Variants in FIP1L1 observed in about 807,000 individuals in gnomAD.
FIP1L1 encodes the protein factor interacting with PAPOLA and CPSF1.
FIP1L1 carries 21 observed loss-of-function variants against 84.6 expected under a neutral mutation model. That is an observed-to-expected ratio of 0.25 (90% CI 0.18 to 0.36). The LOEUF is 0.36. Ranked by LOEUF, FIP1L1 falls within the 10% of genes least tolerant of loss-of-function variation. The pLI is 1.00. For synonymous variants in FIP1L1, 263 were observed against 242.3 expected, an observed-to-expected ratio of 1.09 and a Z score of -0.80; for missense variants, 526 against 751.1, an observed-to-expected ratio of 0.70 and a Z score of 3.50.
intron 10 of FIP1L1, among the ~76,000 whole-genome samples, chr4:53,402,920 T>G (rs1324208961): frequency 2.0e-5 from 3 of 152,120 alleles, no homozygotes; most frequent in Non-Finnish European, 2.9e-5. Flanking sequence ...CCAGTGCAGA[T>G]GGGTAGGTGG....
intron 15 of FIP1L1, among the ~76,000 whole-genome samples, chr4:53,445,007 G>C (rs1477224199): frequency 6.6e-6 from 1 of 152,154 alleles, no homozygotes; most frequent in Non-Finnish European, 1.5e-5. Context: ...TCCTACTCCA[G>C]AGAAGTGGAA....
At chr4:53,440,132 T>C (rs867936183) in intron 13 of FIP1L1, among the ~76,000 whole-genome samples, 6 of 152,052 alleles carry the variant, frequency 3.9e-5, no homozygotes, top group Non-Finnish European at 8.8e-5. Flanking sequence ...CCACAACATA[T>C]TGAGCTTTAC....
intron 15 of FIP1L1, among the ~76,000 whole-genome samples, chr4:53,447,431 T>C (rs1341751746): frequency 3.9e-5 from 6 of 152,166 alleles, no homozygotes; most frequent in African/African-American, 1.4e-4. Context: ...CACTGAACTT[T>C]TCTTTCTCCA....
intron 9 of FIP1L1, among the ~76,000 whole-genome samples, chr4:53,395,526 C>T (rs1243922963): frequency 6.6e-6 from 1 of 152,034 alleles, no homozygotes; most frequent in Admixed American, 6.6e-5. Flanking sequence ...ATAGTCTAGG[C>T]ATTTATTGTG....
At chr4:53,401,069 T>G (rs1749995301) in intron 10 of FIP1L1, among the ~76,000 whole-genome samples, 1 of 152,234 alleles carries the variant, frequency 6.6e-6, no homozygotes, top group Non-Finnish European at 1.5e-5. Context: ...TCTTATGCCT[T>G]GATTTCTTAA....
rs1198066575 is a variant in FIP1L1 at position 53,425,974 on chromosome 4, T to A, written c.1017+9T>A. 1.3e-6 allele frequency: 2 copies of A among 1,581,164 alleles called. No homozygotes were observed. The highest frequency in any genetic ancestry group is 3.5e-5 in the Admixed American group (2 of 57,534). ...AGAACAGCAACATACAGGTTTAGTA[T>A]TTTAAAATAAATAATTTTCTTTAAC... On this transcript the variant is annotated intron_variant, in intron 12 of 17. Coordinates refer to ENST00000337488, the MANE Select transcript of FIP1L1 (RefSeq NM_030917.4).
intron 9 of FIP1L1, among the ~76,000 whole-genome samples, chr4:53,393,760 C>A (rs1745609487): frequency 3.8e-5 from 1 of 26,246 alleles, no homozygotes; most frequent in Non-Finnish European, 1.0e-4. Flanking sequence ...AGATTTTCCC[C>A]CCGGCCCCCC....
chr4:53,379,127 T>G lies in FIP1L1; in HGVS notation c.130+10T>G. On this transcript the variant is annotated intron_variant, in intron 2 of 17. Coordinates refer to ENST00000337488, the MANE Select transcript of FIP1L1 (RefSeq NM_030917.4). ...TTGGCAAAGGACCTAGGTTAGTGCT[T>G]GTGATGATCACTTCAGATTTTCATA... 6.2e-7 allele frequency: 1 copy of G among 1,613,972 alleles called. No homozygotes were observed. Among genetic ancestry groups the G allele is most frequent in the South Asian group, 1.1e-5 (1 of 91,022 alleles).
chr4:53,385,737 A>G (rs940855602), intron 5 of FIP1L1, among the ~76,000 whole-genome samples: 4 of 152,140 alleles, frequency 2.6e-5, no homozygotes, highest in Non-Finnish European at 2.9e-5. Flanking sequence ...AGATTATACA[A>G]TCTACATTTT....
At chr4:53,399,995 T>C (rs1467882471) in intron 10 of FIP1L1, among the ~76,000 whole-genome samples, 156 bp downstream of exon 10, 2 of 152,230 alleles carry the variant, frequency 1.3e-5, no homozygotes, top group Non-Finnish European at 2.9e-5. Context: ...AAGAAACTTC[T>C]TGATGTTTTT....
chr4:53,417,749 ACACACACACACACACTCTCTCTCTCTCT>A (rs1760254060), intron 11 of FIP1L1, among the ~76,000 whole-genome samples: 1 of 35,126 alleles, frequency 2.8e-5, no homozygotes, highest in Admixed American at 3.6e-4. Context: ...ACACACACAC[ACACACACACACACACTCTCTCTCTCTCT>A]CTCTCTCTCT....
chr4:53,408,004 A>G (rs1451736223), intron 10 of FIP1L1, among the ~76,000 whole-genome samples: 1 of 152,210 alleles, frequency 6.6e-6, no homozygotes, highest in Non-Finnish European at 1.5e-5. Flanking sequence ...ATTTAAAGCT[A>G]ACATTGTTAT....
At chr4:53,458,378 TA>T (rs1720607099) in intron 16 of FIP1L1, among the ~76,000 whole-genome samples, 1 of 152,152 alleles carries the variant, frequency 6.6e-6, no homozygotes, top group Non-Finnish European at 1.5e-5. Context: ...AGCATTGTTA[TA>T]TTAAATCTTT....
chr4:53,448,287 A>G (rs1170629427), intron 15 of FIP1L1, among the ~76,000 whole-genome samples: 3 of 152,060 alleles, frequency 2.0e-5, no homozygotes, highest in East Asian at 1.9e-4. Flanking sequence ...TTACATATCT[A>G]TGTGTATGAA....
rs13131160 is a variant in FIP1L1 at position 53,399,320 on chromosome 4, A to G, written c.706-410A>G. Reference sequence around the variant, plus strand: ...TGAATAGAAAATGGTCAGAATGGCTAAAATGGTCACCTATTGTTTTCTTAG... The same window carrying G: ...TGAATAGAAAATGGTCAGAATGGCTGAAATGGTCACCTATTGTTTTCTTAG... On this transcript the variant is annotated intron_variant, in intron 9 of 17. Transcript: ENST00000337488. Among the ~76,000 whole-genome samples the G allele has an allele frequency of 7.1e-3, 1,084 of 152,360 alleles. 7 individuals carry two copies. Among genetic ancestry groups the G allele is most frequent in the Non-Finnish European group, 0.01 (683 of 68,026 alleles).
At chr4:53,394,960 CTT>C (rs1746444439) in intron 9 of FIP1L1, among the ~76,000 whole-genome samples, 1 of 151,980 alleles carries the variant, frequency 6.6e-6, no homozygotes, top group Non-Finnish European at 1.5e-5. Flanking sequence ...ATTTTTCAAA[CTT>C]TTAGTACAGT....
chr4:53,412,832 T>C (rs971878999), intron 10 of FIP1L1, among the ~76,000 whole-genome samples: 3 of 152,094 alleles, frequency 2.0e-5, no homozygotes, highest in African/African-American at 7.2e-5. Flanking sequence ...TTAGGGATTT[T>C]AGTGCCAGTG....
At chr4:53,458,372 T>C (rs1720600088) in intron 16 of FIP1L1, among the ~76,000 whole-genome samples, 1 of 152,108 alleles carries the variant, frequency 6.6e-6, no homozygotes, top group Non-Finnish European at 1.5e-5. Flanking sequence ...AACCAAAGCA[T>C]TGTTATATTA....
chr4:53,457,858 G>GA (rs1456221640), intron 16 of FIP1L1, among the ~76,000 whole-genome samples: 2 of 152,124 alleles, frequency 1.3e-5, no homozygotes, highest in East Asian at 3.9e-4. Flanking sequence ...TAAAGGACAT[G>GA]AAAGGAAAAG....
Sources: allele counts gnomAD v4.1 joint callset (sites outside exome capture counted in the v4.1 genomes callset), GRCh38; gene constraint gnomAD v4.1.1; transcripts MANE v1.5; gene names NCBI Gene and HGNC (gene_info 2026-07-23, HGNC 2026-07-21).